Variants in CUL3 observed in about 807,000 individuals in gnomAD.
CUL3 encodes cullin-3.
A neutral mutation model predicts 89.1 loss-of-function variants in CUL3; 19 were observed. The observed-to-expected ratio is 0.21, with a 90% CI of 0.15 to 0.31. CUL3 has a LOEUF of 0.31. Among genes scored for constraint, CUL3 ranks in the 10% least tolerant of loss-of-function variants. CUL3 has a pLI of 1.00. For synonymous variants in CUL3, 351 were observed against 308.4 expected (o/e 1.14, Z -1.45); for missense variants, 469 against 942.3 (o/e 0.50, Z 6.58).
chr2:224,539,709 G>T (rs1395842012), intron 2 of CUL3, among the ~76,000 whole-genome samples: 2 of 151,780 alleles, frequency 1.3e-5, no homozygotes, highest in African/African-American at 2.4e-5. Context: ...TCTGAAAAGG[G>T]TATATACTGT....
At chr2:224,571,337 C>A (rs1159287498) in intron 1 of CUL3, among the ~76,000 whole-genome samples, 1 of 152,070 alleles carries the variant, frequency 6.6e-6, no homozygotes, top group Non-Finnish European at 1.5e-5. Flanking sequence ...ACTATTTATA[C>A]TATTTAACAC....
chr2:224,529,437 G>A (rs1693604327), intron 3 of CUL3, among the ~76,000 whole-genome samples: 2 of 144,058 alleles, frequency 1.4e-5, no homozygotes, highest in African/African-American at 2.6e-5. Flanking sequence ...CTAACACGGT[G>A]AAACCCCATC....
rs548070553 is a variant in CUL3, at chr2:224,472,043, A to C, written c.*2202T>G. 2 of 231,260 alleles carry C rather than the reference A, an allele frequency of 8.6e-6. No homozygotes were observed. The highest frequency in any genetic ancestry group is 1.8e-4 in the South Asian group (1 of 5,512). The allele number at this position is 231,260 out of a possible 1,614,324, so 14.3% of individuals were successfully genotyped here. A position where few individuals can be genotyped will look rare whatever the true frequency, so the allele number is the denominator to read the frequency against. On this transcript the variant is annotated 3_prime_UTR_variant, in exon 16 of 16. Transcript: ENST00000264414. ...GTTATAACCTTTATGACCTAAAATA[A>C]TACTTATGCAGTCAAACATATAAAC...
rs539375233 is a variant in CUL3, at chr2:224,485,741, C to A, written c.1843-3663G>T. ...CTGAAGAGAGCAGTGGATCCCACAG[C>A]GCAGCACTCCAGCTCTGCGAAGGGA... is the stretch of plus-strand genomic sequence containing the variant. On this transcript the variant is annotated intron_variant, in intron 13 of 15. Coordinates refer to ENST00000264414, the MANE Select transcript of CUL3 (RefSeq NM_003590.5). This position sits in a 1 kb window ranked among gnomAD's most constrained non-coding sequence, Gnocchi z 4.1. Among the ~76,000 whole-genome samples the A allele has an allele frequency of 6.6e-6, 1 of 152,340 alleles. No individual in the cohort carries two copies. Among genetic ancestry groups the A allele is most frequent in the South Asian group, 2.1e-4 (1 of 4,832 alleles).
intron 13 of CUL3, among the ~76,000 whole-genome samples, chr2:224,486,729 C>G (rs979298860): frequency 1.3e-5 from 2 of 152,148 alleles, no homozygotes; most frequent in African/African-American, 4.8e-5. Context: ...CCCAACCTAG[C>G]AAGACAGGCC....
intron 3 of CUL3, among the ~76,000 whole-genome samples, chr2:224,521,157 A>G (rs527808798): frequency 1.3e-3 from 199 of 152,346 alleles, no homozygotes; most frequent in Non-Finnish European, 2.1e-3. Context: ...TGTTACAGAA[A>G]AGCAAGCTAG....
intron 4 of CUL3, 147 bp from the exon 5 acceptor site, chr2:224,513,785 G>GA (rs1692931212): frequency 5.0e-6 from 2 of 400,256 alleles, no homozygotes; most frequent in Admixed American, 6.0e-5. Context: ...CATGTAAAAC[G>GA]AAAGGATTTA....
intron 14 of CUL3, 146 bp from the exon 15 acceptor site, chr2:224,478,491 G>C (rs3768896): frequency 9.9e-6 from 6 of 604,698 alleles, no homozygotes; most frequent in South Asian, 6.4e-5. Flanking sequence ...TACGCATTCA[G>C]AAACTGTCTT....
At chr2:224,536,446 C>T (rs1366424538) in intron 2 of CUL3, among the ~76,000 whole-genome samples, 2 of 152,196 alleles carry the variant, frequency 1.3e-5, no homozygotes, top group Non-Finnish European at 2.9e-5. Flanking sequence ...TTCATCATTA[C>T]CTACTATATT....
chr2:224,470,337 T>G lies in CUL3; in HGVS notation c.*3908A>C. Reference sequence around the variant, plus strand: ...CTATTTTTGCATGGCTCACTCGAGGTCAACTTAGACCCTAAAACTGAGCAT... The same window carrying G: ...CTATTTTTGCATGGCTCACTCGAGGGCAACTTAGACCCTAAAACTGAGCAT... On this transcript the variant is annotated 3_prime_UTR_variant, in exon 16 of 16. Transcript: ENST00000264414. 1 of 228,512 alleles carries G rather than the reference T, an allele frequency of 4.4e-6. No individual in the cohort carries two copies. Among genetic ancestry groups the G allele is most frequent in the African/African-American group, 2.2e-5 (1 of 45,202 alleles). The allele number at this position is 228,512 out of a possible 1,614,324, so 14.2% of individuals were successfully genotyped here.
chr2:224,490,367 G>A (rs1369479016), intron 13 of CUL3, among the ~76,000 whole-genome samples: 1 of 152,134 alleles, frequency 6.6e-6, no homozygotes, highest in Non-Finnish European at 1.5e-5. Flanking sequence ...AGGGCCCCCT[G>A]GCTGGTGGAC....
At chr2:224,563,207 A>G (rs1179818556) in intron 1 of CUL3, 1 of 470,694 alleles carries the variant, frequency 2.1e-6, no homozygotes, top group Non-Finnish European at 4.4e-6. Context: ...AGTATAACGT[A>G]GCTTTCTTTT....
rs1695545385 is a variant in CUL3, at chr2:224,584,968, G to C, written c.42C>G (p.Thr14=). The change falls in exon 1 of 16, where the codon ACC becomes ACG. Residue 14 remains threonine (T), a synonymous_variant. Coordinates refer to ENST00000264414, the MANE Select transcript of CUL3 (RefSeq NM_003590.5). ...CCGGAAAGGCCCGGATCCGCATCTT[G>C]GTGTCCTTCCGGCTGCCCGTGCCTT... is the stretch of plus-strand genomic sequence containing the variant. ...LSKGTGSRKD[T]KMRIRAFPMT... is the part of the protein sequence containing the mutation. 6.6e-7 allele frequency: 1 copy of C among 1,507,746 alleles called. No homozygotes were observed. The highest frequency in any genetic ancestry group is 9.0e-7 in the Non-Finnish European group (1 of 1,117,210). 93.4% of individuals were successfully genotyped at this position (1,507,746 alleles called of 1,614,324 possible). A position where few individuals can be genotyped will look rare whatever the true frequency, so the allele number is the denominator to read the frequency against.
In CUL3 at chr2:224,497,823, C is replaced by T. The variant is rs770136825; in HGVS notation, c.1637G>A (p.Arg546Gln). The change falls in exon 12 of 16, where the codon CGA (arginine) becomes CAA (glutamine). Residue 546 changes from arginine (R) to glutamine (Q), a missense_variant. Physicochemically the swap from Arg to Gln is conservative, Grantham distance 43. Around this residue, in one of 4 missense-constraint regions of CUL3, gnomAD observed 370 missense variants for 733.2 expected, o/e 0.50. Transcript: ENST00000264414. ...RRFYLAKHSG[R>Q]QLTLQHHMGS... ...CATATGATGCTGGAGTGTGAGCTGT[C>T]GACCACTGTGTTTGGCTAAGTAGAA... 6.2e-7 allele frequency: 1 copy of T among 1,613,832 alleles called. No individual in the cohort carries two copies. The highest frequency in any genetic ancestry group is 8.5e-7 in the Non-Finnish European group (1 of 1,179,802).
chr2:224,505,138 GT>G (rs11428046), intron 8 of CUL3, among the ~76,000 whole-genome samples: 252 of 137,696 alleles, frequency 1.8e-3, no homozygotes, highest in African/African-American at 5.4e-3. Flanking sequence ...TAGTTGTTCA[GT>G]TTTTTTTTTT....
chr2:224,542,836 G>A (rs1380817997), intron 2 of CUL3, among the ~76,000 whole-genome samples: 1 of 152,140 alleles, frequency 6.6e-6, no homozygotes, highest in African/African-American at 2.4e-5. Flanking sequence ...AGGATGACAG[G>A]AGACAACAGC....
chr2:224,473,066 T>G lies in CUL3; in HGVS notation c.*1179A>C. On this transcript the variant is annotated 3_prime_UTR_variant, in exon 16 of 16. Transcript: ENST00000264414. ...ACAAGAATCTTCAGCACAAAGCACA[T>G]GTTTGAAAACGTGAAACGATGACTC... The G allele has an allele frequency of 5.0e-6, 1 of 200,736 alleles. No individual in the cohort carries two copies. The highest frequency in any genetic ancestry group is 1.0e-5 in the Non-Finnish European group (1 of 97,058). 12.4% of individuals were successfully genotyped at this position (200,736 alleles called of 1,614,324 possible). A position where few individuals can be genotyped will look rare whatever the true frequency, so the allele number is the denominator to read the frequency against.
intron 14 of CUL3, 123 bp from the exon 15 acceptor site, chr2:224,478,468 T>G: frequency 1.3e-6 from 1 of 767,858 alleles, no homozygotes; most frequent in Non-Finnish European, 2.0e-6. Flanking sequence ...ATATACACAC[T>G]TATTAATTCA....
chr2:224,480,474 CAT>C (rs1245656370), intron 14 of CUL3, among the ~76,000 whole-genome samples: 2 of 152,092 alleles, frequency 1.3e-5, no homozygotes, highest in Admixed American at 1.3e-4. Flanking sequence ...TGAAATTCAT[CAT>C]ATATATATTT....
Sources: gnomAD v4.1 joint callset for allele counts (sites outside exome capture counted in the v4.1 genomes callset) on GRCh38, gnomAD v4.1.1 for gene constraint, gnomAD v4.1.1 regional missense constraint, Gnocchi (gnomAD v3.1) non-coding constraint, MANE v1.5 for transcripts, NCBI Gene and HGNC (gene_info 2026-07-23, HGNC 2026-07-21) for gene names.